Variants in TOX observed in about 807,000 individuals in gnomAD.
The protein encoded by TOX is thymocyte selection-associated high mobility group box protein TOX.
Under a neutral mutation model 53.7 loss-of-function variants are expected in TOX, and 11 were observed. The observed-to-expected ratio is 0.20, with a 90% CI of 0.13 to 0.34. TOX has a LOEUF of 0.34. TOX is among the 10% of genes least tolerant of loss of function. The pLI is 1.00. For missense variants in TOX, 570 were observed against 664.6 expected, an observed-to-expected ratio of 0.86 and a Z score of 1.56; for synonymous variants, 225 against 245.3, an observed-to-expected ratio of 0.92 and a Z score of 0.77.
At chr8:58,900,848 G>GT (rs1008123527) in intron 3 of TOX, among the ~76,000 whole-genome samples, 5 of 151,866 alleles carry the variant, frequency 3.3e-5, no homozygotes, top group Admixed American at 1.3e-4. Context: ...GTTGGTAGAG[G>GT]TTTTTTTTGT....
In TOX at chr8:58,902,176, C is replaced by G. The variant is rs372678705; in HGVS notation, c.411+37126G>C. Among the ~76,000 whole-genome samples the G allele has an allele frequency of 3.3e-5, 5 of 152,200 alleles. No homozygotes were observed. In the South Asian group the frequency reaches 6.2e-4, roughly 19 times the overall value. ...CATTACGAGTATGCTTTTCTTCCCC[C>G]TTTTTCCTTAACTTGGTGTGTATAT... On this transcript the variant is annotated intron_variant, in intron 3 of 8. Transcript: ENST00000361421.
intron 1 of TOX, among the ~76,000 whole-genome samples, chr8:58,973,375 A>G (rs1175147385): frequency 6.6e-6 from 1 of 152,260 alleles, no homozygotes; most frequent in Non-Finnish European, 1.5e-5. Context: ...TATGTAGGTT[A>G]TAAACAGTAC....
At position 58,972,041 on chromosome 8, in the gene TOX, A is replaced by T. The variant is rs556300385; in HGVS notation, c.103-12033T>A. Among the ~76,000 whole-genome samples the T allele has an allele frequency of 4.8e-4, 73 of 152,322 alleles. No individual in the cohort carries two copies. The East Asian group carries it at 0.013, about 28-fold the overall frequency. On this transcript the variant is annotated intron_variant, in intron 1 of 8. Transcript: ENST00000361421. ...AAATGCAGTTATACCTGAAATATGA[A>T]ATAATGGGAGGAAAGTAATGAAAAG...
In TOX at chr8:59,059,926, T is replaced by C. The variant is rs1443393151; in HGVS notation, c.102+58960A>G. Reference sequence around the variant, plus strand: ...TGTTGTAAAAAAAAAAAAAAATCTTTTAGAAAGAAAATCATCTAGATTTTT... The same window carrying C: ...TGTTGTAAAAAAAAAAAAAAATCTTCTAGAAAGAAAATCATCTAGATTTTT... On this transcript the variant is annotated intron_variant, in intron 1 of 8. Coordinates refer to ENST00000361421, the MANE Select transcript of TOX (RefSeq NM_014729.3). 2.6e-5 allele frequency among the ~76,000 whole-genome samples: 4 copies of C among 152,142 alleles called. No individual in the cohort carries two copies. The East Asian group carries it at 7.7e-4, about 29-fold the overall frequency.
intron 4 of TOX, among the ~76,000 whole-genome samples, chr8:58,850,113 G>A (rs545307804): frequency 6.6e-6 from 1 of 152,280 alleles, no homozygotes; most frequent in East Asian, 1.9e-4. Context: ...CTGACTCACT[G>A]ACAACAGGGA....
At chr8:59,087,258 G>A (rs566182658) in intron 1 of TOX, among the ~76,000 whole-genome samples, 4 of 152,140 alleles carry the variant, frequency 2.6e-5, no homozygotes, top group South Asian at 4.1e-4. Flanking sequence ...GCCCAAAACC[G>A]TTTTCATGAA....
At chr8:58,864,026 G>A (rs943966797) in intron 3 of TOX, among the ~76,000 whole-genome samples, 1 of 151,960 alleles carries the variant, frequency 6.6e-6, no homozygotes, top group African/African-American at 2.4e-5. Context: ...TTTAACTCCG[G>A]AGGCAATATA....
chr8:59,058,120 A>C (rs1803915454), intron 1 of TOX, among the ~76,000 whole-genome samples: 1 of 152,266 alleles, frequency 6.6e-6, no homozygotes, highest in Admixed American at 6.5e-5. Context: ...AAAAATGATT[A>C]AGCAACTAAG....
intron 1 of TOX, among the ~76,000 whole-genome samples, chr8:58,993,741 A>G (rs564078862): frequency 1.1e-3 from 163 of 152,318 alleles, no homozygotes; most frequent in African/African-American, 3.6e-3. Context: ...TTTAAAATTA[A>G]GATGACAGAC....
chr8:58,966,690 A>C (rs893206377), intron 1 of TOX, among the ~76,000 whole-genome samples: 3 of 151,926 alleles, frequency 2.0e-5, no homozygotes, highest in Non-Finnish European at 4.4e-5. Context: ...TGAAATTTTC[A>C]ATAATAATAA....
At chr8:59,007,054 G>A (rs988262093) in intron 1 of TOX, among the ~76,000 whole-genome samples, 8 of 152,192 alleles carry the variant, frequency 5.3e-5, no homozygotes, top group African/African-American at 1.4e-4. Flanking sequence ...TGTCTGCAAA[G>A]TTTAAGAGAA....
rs551608930 is a variant in TOX, at chr8:58,849,274, T to C, written c.693+2250A>G. On this transcript the variant is annotated intron_variant, in intron 4 of 8. Transcript: ENST00000361421. ...ACTTAACATGAATTCGTATGAATGTTTGTGCAGATAAAAAAGTCATTTTAA... is the reference window on the plus strand; with the variant it reads ...ACTTAACATGAATTCGTATGAATGTCTGTGCAGATAAAAAAGTCATTTTAA... 2.0e-5 allele frequency among the ~76,000 whole-genome samples: 3 copies of C among 152,280 alleles called. No individual in the cohort carries two copies. The South Asian group carries it at 6.2e-4, about 32-fold the overall frequency.
intron 1 of TOX, among the ~76,000 whole-genome samples, chr8:59,077,104 A>G (rs1804305510): frequency 6.6e-6 from 1 of 152,240 alleles, no homozygotes; most frequent in African/African-American, 2.4e-5. Flanking sequence ...GAGCTAGGGC[A>G]GAGCTCTGAC....
intron 6 of TOX, among the ~76,000 whole-genome samples, chr8:58,822,240 A>C (rs1328814147): frequency 6.6e-6 from 1 of 152,178 alleles, no homozygotes; most frequent in Non-Finnish European, 1.5e-5. Context: ...CCCTATGTCT[A>C]ATGCCAATGT....
intron 3 of TOX, among the ~76,000 whole-genome samples, chr8:58,936,523 A>G (rs16924299): frequency 0.013 from 1,998 of 152,298 alleles, 57 homozygotes; most frequent in African/African-American, 0.046. Flanking sequence ...GACCATGGTA[A>G]GCATTCAAAA....
intron 6 of TOX, among the ~76,000 whole-genome samples, chr8:58,820,892 C>G (rs1354772934): frequency 2.6e-5 from 4 of 152,116 alleles, no homozygotes; most frequent in Admixed American, 2.6e-4. Flanking sequence ...TTCCATTGCT[C>G]TATAGTTATA....
At chr8:58,873,028 T>A (rs1811224011) in intron 3 of TOX, among the ~76,000 whole-genome samples, 1 of 152,126 alleles carries the variant, frequency 6.6e-6, no homozygotes, top group Non-Finnish European at 1.5e-5. Context: ...ATAAAAAACT[T>A]ATTTTTAAAA....
intron 1 of TOX, among the ~76,000 whole-genome samples, chr8:59,068,863 T>C (rs776211028): frequency 3.3e-5 from 5 of 152,076 alleles, no homozygotes; most frequent in East Asian, 3.9e-4. Context: ...AGGAAGCATA[T>C]AGAGCTGAAG....
chr8:59,049,800 T>A (rs1322757127), intron 1 of TOX, among the ~76,000 whole-genome samples: 2 of 152,192 alleles, frequency 1.3e-5, no homozygotes, highest in African/African-American at 4.8e-5. Context: ...CACAGAGTGC[T>A]TTATAGTTTC....
Sources: allele counts gnomAD v4.1 joint callset (sites outside exome capture counted in the v4.1 genomes callset), GRCh38; gene constraint gnomAD v4.1.1; transcripts MANE v1.5; gene names NCBI Gene and HGNC (gene_info 2026-07-23, HGNC 2026-07-21).